Variants in MOK observed in about 807,000 individuals in gnomAD.
MOK encodes MAPK/MAK/MRK overlapping kinase.
A neutral mutation model predicts 54.2 loss-of-function variants in MOK; 59 were observed. The observed-to-expected ratio is 1.09, with a 90% CI of 0.88 to 1.35. MOK has a LOEUF of 1.35. Ranked by LOEUF, MOK falls within the 40% of genes most tolerant of loss-of-function variation. MOK has a pLI of 0.00. For missense variants in MOK, 517 were observed against 526.2 expected (o/e 0.98, Z 0.17); for synonymous variants, 210 against 202.7 (o/e 1.04, Z -0.31).
chr14:102,277,855 T>C (rs977433885), intron 2 of MOK, among the ~76,000 whole-genome samples: 2 of 152,218 alleles, frequency 1.3e-5, no homozygotes, highest in East Asian at 3.9e-4. Flanking sequence ...CACTTCAAGA[T>C]ATACAAATTT....
At chr14:102,297,890 G>A (rs1378567855) in intron 1 of MOK, among the ~76,000 whole-genome samples, 1 of 152,212 alleles carries the variant, frequency 6.6e-6, no homozygotes, top group Non-Finnish European at 1.5e-5. Flanking sequence ...CCCTGCCTGT[G>A]CTCAAATTCT....
intron 1 of MOK, among the ~76,000 whole-genome samples, chr14:102,290,100 G>C (rs556403735): frequency 6.6e-6 from 1 of 150,662 alleles, no homozygotes; most frequent in Non-Finnish European, 1.5e-5. Context: ...ACTTGGTCCT[G>C]GAAACTTACA....
At chr14:102,293,701 C>CAAAA (rs10598736) in intron 1 of MOK, among the ~76,000 whole-genome samples, 138 of 54,606 alleles carry the variant, frequency 2.5e-3, no homozygotes, top group East Asian at 4.9e-3. Flanking sequence ...AACTCCATCA[C>CAAAA]AAAAAAAAAA....
intron 1 of MOK, among the ~76,000 whole-genome samples, chr14:102,293,425 G>A (rs1186853272): frequency 1.3e-5 from 2 of 152,146 alleles, no homozygotes; most frequent in Non-Finnish European, 2.9e-5. Context: ...ACAGCTGGGT[G>A]CGGTGGCTCA....
chr14:102,257,753 C>T (rs910025464), intron 4 of MOK, among the ~76,000 whole-genome samples: 9 of 152,014 alleles, frequency 5.9e-5, no homozygotes, highest in South Asian at 2.1e-4. Flanking sequence ...CTGAGGTGGG[C>T]GGATCACGAG....
chr14:102,251,859 A>C, intron 5 of MOK, 55 bp from the exon 6 acceptor site: 1 of 1,535,978 alleles, frequency 6.5e-7, no homozygotes, highest in Non-Finnish European at 9.0e-7. Context: ...CAAATTCTTG[A>C]ATCTGAATGT....
At chr14:102,302,087 C>CT (rs1165298757) in intron 1 of MOK, among the ~76,000 whole-genome samples, 324 of 125,344 alleles carry the variant, frequency 2.6e-3, no homozygotes, top group Middle Eastern at 5.1e-3. Flanking sequence ...CACACATATA[C>CT]TTTTTTTTTT....
At chr14:102,251,682 G>C in intron 6 of MOK, 74 bp downstream of exon 6, 9 of 1,222,524 alleles carry the variant, frequency 7.4e-6, no homozygotes, top group Non-Finnish European at 1.1e-5. Context: ...TCTGGTAGGA[G>C]GAGAAAACCT....
At chr14:102,296,587 T>G (rs2071440703) in intron 1 of MOK, among the ~76,000 whole-genome samples, 1 of 152,208 alleles carries the variant, frequency 6.6e-6, no homozygotes, top group Non-Finnish European at 1.5e-5. Flanking sequence ...TTACCTCATT[T>G]TGTTTTTATT....
downstream of MOK, among the ~76,000 whole-genome samples, chr14:102,219,518 C>T (rs1375053459): frequency 6.6e-6 from 1 of 152,254 alleles, no homozygotes; most frequent in Non-Finnish European, 1.5e-5. Context: ...TTGCTGGGGT[C>T]ACTGCTGGAG....
At chr14:102,294,243 A>C (rs547370620) in intron 1 of MOK, among the ~76,000 whole-genome samples, 2 of 150,128 alleles carry the variant, frequency 1.3e-5, no homozygotes, top group African/African-American at 5.0e-5. Context: ...TCAGGAGATC[A>C]ACACCATCCT....
intron 2 of MOK, among the ~76,000 whole-genome samples, chr14:102,278,422 C>T (rs1190001276): frequency 6.6e-6 from 1 of 150,994 alleles, no homozygotes; most frequent in Non-Finnish European, 1.5e-5. Context: ...TAATAAATTC[C>T]TTGCCTTTGT....
At chr14:102,243,161 G>A (rs1036481909) in intron 7 of MOK, among the ~76,000 whole-genome samples, 1 of 152,122 alleles carries the variant, frequency 6.6e-6, no homozygotes, top group African/African-American at 2.4e-5. Context: ...TCCTGGGCAT[G>A]GTTAAATACT....
intron 1 of MOK, among the ~76,000 whole-genome samples, chr14:102,291,943 G>A (rs1446514376): frequency 6.7e-6 from 1 of 148,572 alleles, no homozygotes; most frequent in African/African-American, 2.5e-5. Context: ...GGGCAACAGA[G>A]CAAAACTCTG....
intron 1 of MOK, among the ~76,000 whole-genome samples, chr14:102,285,690 G>A (rs183921707): frequency 2.9e-4 from 44 of 152,084 alleles, no homozygotes; most frequent in South Asian, 8.3e-4. Flanking sequence ...CCAGGAGTTC[G>A]AGACCAGTCT....
At chr14:102,263,488 T>C (rs1258829617) in intron 4 of MOK, 58 bp downstream of exon 4, 1 of 1,221,060 alleles carries the variant, frequency 8.2e-7, no homozygotes, top group Non-Finnish European at 1.2e-6. Flanking sequence ...ACTAAGCATA[T>C]ATGAATTACA....
downstream of MOK, among the ~76,000 whole-genome samples, chr14:102,220,585 T>C (rs1346562171): frequency 2.0e-5 from 3 of 151,966 alleles, no homozygotes; most frequent in East Asian, 1.9e-4. The surrounding 1 kb of genome is among the most constrained non-coding windows in gnomAD (Gnocchi z 4.2). Flanking sequence ...CTGGGCGTGG[T>C]GGCAGGCGCC....
chr14:102,252,910 A>G (rs951232379), intron 4 of MOK, among the ~76,000 whole-genome samples: 2 of 152,256 alleles, frequency 1.3e-5, no homozygotes, highest in Non-Finnish European at 2.9e-5. Flanking sequence ...AAAATAGAAG[A>G]GATGGCAGTC....
chr14:102,253,895 A>G (rs2066725864), intron 4 of MOK, among the ~76,000 whole-genome samples: 1 of 152,254 alleles, frequency 6.6e-6, no homozygotes, highest in African/African-American at 2.4e-5. Flanking sequence ...ATTTCTTTTG[A>G]AAAATTAAAA....
Sources: gnomAD v4.1 joint callset for allele counts (sites outside exome capture counted in the v4.1 genomes callset) on GRCh38, gnomAD v4.1.1 for gene constraint, Gnocchi (gnomAD v3.1) non-coding constraint, MANE v1.5 for transcripts, NCBI Gene and HGNC (gene_info 2026-07-23, HGNC 2026-07-21) for gene names.